The following TNNI3K variants were observed in gnomAD, a reference collection of about 807,000 sequenced individuals.
TNNI3K encodes the protein TNNI3 interacting kinase, also known as serine/threonine-protein kinase TNNI3K.
A neutral mutation model predicts 114.5 loss-of-function variants in TNNI3K; 140 were observed. That is an observed-to-expected ratio of 1.22 (90% confidence interval 1.07 to 1.41). The LOEUF (loss-of-function observed/expected upper bound fraction) is 1.41. Among genes scored for constraint, TNNI3K ranks in the 40% most tolerant of loss-of-function variants. The probability of loss-of-function intolerance (pLI) is 0.00; values close to 1 mark genes in which losing one functional copy is unlikely to be tolerated. For synonymous variants in TNNI3K, 347 were observed against 347.5 expected (o/e 1.00, Z 0.02); for missense variants, 1,125 against 1,007.6 (o/e 1.12, Z -1.58).
At chr1:74,510,641 T>C (rs1469896517) in intron 23 of TNNI3K, among the ~76,000 whole-genome samples, 1 of 152,240 alleles carries the variant, frequency 6.6e-6, no homozygotes, top group South Asian at 2.1e-4. Context: ...CAGATCTATG[T>C]GTTATACTTT....
chr1:74,343,663 T>A (rs1660860098), intron 9 of TNNI3K, among the ~76,000 whole-genome samples: 1 of 152,156 alleles, frequency 6.6e-6, no homozygotes, highest in Non-Finnish European at 1.5e-5. Flanking sequence ...TGTAAAAGCC[T>A]AGTCAGGGTG....
At chr1:74,299,604 A>G (rs1183401865) in intron 5 of TNNI3K, among the ~76,000 whole-genome samples, 1 of 152,148 alleles carries the variant, frequency 6.6e-6, no homozygotes, top group Non-Finnish European at 1.5e-5. Flanking sequence ...AACTGCAAAG[A>G]TAGGTGGTAT....
At chr1:74,421,429 C>T (rs1203336342) in intron 17 of TNNI3K, among the ~76,000 whole-genome samples, 1 of 151,886 alleles carries the variant, frequency 6.6e-6, no homozygotes, top group Non-Finnish European at 1.5e-5. Context: ...AATAATCTGG[C>T]AAGGTAGCTC....
chr1:74,439,455 T>A, intron 19 of TNNI3K, 35 bp from the exon 20 acceptor site: 1 of 1,600,352 alleles, frequency 6.2e-7, no homozygotes, highest in Middle Eastern at 1.7e-4. Flanking sequence ...ACCAAACACT[T>A]GGTAAATGGC....
chr1:74,369,342 G>C (rs369458391), intron 15 of TNNI3K, 49 bp from the exon 16 acceptor site: 1 of 1,606,914 alleles, frequency 6.2e-7, no homozygotes, highest in Non-Finnish European at 8.5e-7. Flanking sequence ...CAAGCCCCTT[G>C]TTTGGATCCA....
At position 74,331,459 on chromosome 1, in the gene TNNI3K, G is replaced by T; in HGVS notation, c.454G>T (p.Val152Leu). 1 of 1,613,224 alleles carries T rather than the reference G, an allele frequency of 6.2e-7. No individual in the cohort carries two copies. Among genetic ancestry groups the T allele is most frequent in the Non-Finnish European group, 8.5e-7 (1 of 1,179,696 alleles). ...TIAGHLEAADVLLQHGANVNI... is the reference protein window; with the variant it reads ...TIAGHLEAADLLLQHGANVNI... Reference sequence around the variant, plus strand: ...TCATTTTCTTGTCCAGGCTGCTGATGTGCTGTTGCAACATGGAGCTAATGT... The same window carrying T: ...TCATTTTCTTGTCCAGGCTGCTGATTTGCTGTTGCAACATGGAGCTAATGT... Residue 152 changes from valine (V) to leucine (L), a missense_variant, in exon 6 of 25, where the codon GTG becomes TTG. Physicochemically the swap from Val to Leu is conservative, Grantham distance 32 (BLOSUM62 1). Transcript: ENST00000326637.
chr1:74,386,981 A>C (rs1357452117), intron 17 of TNNI3K, among the ~76,000 whole-genome samples: 2 of 152,196 alleles, frequency 1.3e-5, no homozygotes, highest in Admixed American at 6.5e-5. Flanking sequence ...GGAATTTCAG[A>C]GAGCCATTTG....
intron 5 of TNNI3K, among the ~76,000 whole-genome samples, chr1:74,299,263 A>G (rs918031143): frequency 6.6e-6 from 1 of 152,146 alleles, no homozygotes; most frequent in Non-Finnish European, 1.5e-5. Context: ...TGGCTTTTGC[A>G]TCTTTGTGAC....
chr1:74,273,270 C>T (rs1656465495), intron 5 of TNNI3K, among the ~76,000 whole-genome samples: 1 of 151,718 alleles, frequency 6.6e-6, no homozygotes, highest in African/African-American at 2.4e-5. Flanking sequence ...AAAATAAATC[C>T]TTTTAGTGAG....
At chr1:74,288,689 C>A (rs1657478593) in intron 5 of TNNI3K, among the ~76,000 whole-genome samples, 1 of 151,970 alleles carries the variant, frequency 6.6e-6, no homozygotes, top group African/African-American at 2.4e-5. Context: ...TTCTGGAGAT[C>A]TAATGTACAA....
chr1:74,416,191 AAGCAT>A lies in TNNI3K; in HGVS notation c.1773-19879_1773-19875del, dbSNP rs1270170313. ...GGAAACCTCTTCTTGCTTTGGCATG[AAGCAT>A]AGCATAGCACCAAAATTCAAAGACG... On this transcript the variant is annotated intron_variant, in intron 17 of 24. Transcript: ENST00000326637. 5.7e-5 allele frequency: 35 copies of A among 617,138 alleles called. No individual in the cohort carries two copies. The African/African-American group carries it at 6.0e-4, about 11-fold the overall frequency. 38.2% of individuals were successfully genotyped at this position (617,138 alleles called of 1,614,324 possible). A position where few individuals can be genotyped will look rare whatever the true frequency, so the allele number is the denominator to read the frequency against.
At chr1:74,525,297 A>T (rs1194920328) in intron 23 of TNNI3K, among the ~76,000 whole-genome samples, 1 of 152,218 alleles carries the variant, frequency 6.6e-6, no homozygotes, top group Non-Finnish European at 1.5e-5. Context: ...ATACCATCTC[A>T]TATAATTCTC....
intron 5 of TNNI3K, among the ~76,000 whole-genome samples, chr1:74,303,631 C>A (rs927848867): frequency 1.3e-5 from 2 of 152,176 alleles, no homozygotes; most frequent in East Asian, 3.9e-4. Context: ...AAAACAATAT[C>A]CATTCTGTAG....
chr1:74,529,434 A>T (rs1646551739), intron 23 of TNNI3K, among the ~76,000 whole-genome samples: 1 of 152,228 alleles, frequency 6.6e-6, no homozygotes, highest in Non-Finnish European at 1.5e-5. Flanking sequence ...CACGGTTAGG[A>T]AATTCAAGTA....
intron 19 of TNNI3K, chr1:74,439,261 T>A (rs1666268638): frequency 4.6e-6 from 2 of 434,590 alleles, no homozygotes; most frequent in Non-Finnish European, 7.6e-6. Context: ...GATCTTCCAA[T>A]GATTAAAAAA....
At chr1:74,409,499 T>C (rs1233794044) in intron 17 of TNNI3K, among the ~76,000 whole-genome samples, 2 of 147,360 alleles carry the variant, frequency 1.4e-5, no homozygotes, top group East Asian at 1.9e-4. Flanking sequence ...TTTCTTTTTT[T>C]TTTTTTTTTT....
chr1:74,464,471 A>C (rs1045393385), intron 21 of TNNI3K, among the ~76,000 whole-genome samples: 1 of 152,172 alleles, frequency 6.6e-6, no homozygotes, highest in African/African-American at 2.4e-5. Flanking sequence ...TGTCCTCTTA[A>C]ATTATAACTT....
Position 74,471,204 on chromosome 1 carries a change from G to T in TNNI3K, c.2121+7654G>T, listed in dbSNP as rs569188472. The stretch of plus-strand genomic sequence containing the variant: ...GCAAGTTGTTAGCACTGAGCAGGGG[G>T]GCACGTTTAGTGTTTCGTTGATAAT... On this transcript the variant is annotated intron_variant, in intron 21 of 24. Transcript: ENST00000326637. The T allele has an allele frequency of 7.5e-6, 3 of 400,660 alleles. No individual in the cohort carries two copies. The Admixed American group carries it at 1.3e-4, about 18-fold the overall frequency. 24.8% of individuals were successfully genotyped at this position (400,660 alleles called of 1,614,324 possible).
chr1:74,483,688 T>C (rs1668611085), intron 21 of TNNI3K, among the ~76,000 whole-genome samples: 2 of 152,232 alleles, frequency 1.3e-5, no homozygotes, highest in Admixed American at 1.3e-4. Flanking sequence ...TCTTACTTAG[T>C]TCTTTTAATT....
Sources: gnomAD v4.1 joint callset for allele counts (sites outside exome capture counted in the v4.1 genomes callset) on GRCh38, gnomAD v4.1.1 for gene constraint, MANE v1.5 for transcripts, NCBI Gene and HGNC (gene_info 2026-07-23, HGNC 2026-07-21) for gene names.